The following KCNIP4 variants were observed in gnomAD, a reference collection of about 807,000 sequenced individuals.
KCNIP4 encodes Kv channel-interacting protein 4.
In KCNIP4, 12 loss-of-function variants were observed where a neutral mutation model predicts 34.0. The ratio of observed to expected loss-of-function variants is 0.35; its 90% CI spans 0.23 to 0.57. The LOEUF (loss-of-function observed/expected upper bound fraction) is 0.57, where lower values mean the gene tolerates loss of function less well. KCNIP4 is among the 20% of genes least tolerant of loss of function. KCNIP4 has a pLI of 0.83. For missense variants in KCNIP4, 238 were observed against 311.7 expected (o/e 0.76, Z 1.78); for synonymous variants, 124 against 102.2 (o/e 1.21, Z -1.29).
intron 1 of KCNIP4, among the ~76,000 whole-genome samples, chr4:21,762,226 A>T (rs1718106885): frequency 6.6e-6 from 1 of 152,170 alleles, no homozygotes; most frequent in South Asian, 2.1e-4. Flanking sequence ...AACTCAATAT[A>T]TTCAAAATAT....
chr4:21,064,637 T>C, intron 1 of KCNIP4, among the ~76,000 whole-genome samples: 1 of 152,066 alleles, frequency 6.6e-6, no homozygotes, highest in East Asian at 1.9e-4. Flanking sequence ...GGAAAGAACT[T>C]ATATAGAAGG....
At chr4:20,917,565 A>G (rs1728972679) in intron 1 of KCNIP4, among the ~76,000 whole-genome samples, 1 of 152,320 alleles carries the variant, frequency 6.6e-6, no homozygotes, top group East Asian at 1.9e-4. Context: ...CTCAAATGAG[A>G]CAATGTCCTG....
chr4:21,167,324 A>G (rs914300488), intron 1 of KCNIP4, among the ~76,000 whole-genome samples: 5 of 152,194 alleles, frequency 3.3e-5, no homozygotes, highest in African/African-American at 1.2e-4. Context: ...AGATACTTTA[A>G]ATATGTACAA....
intron 1 of KCNIP4, among the ~76,000 whole-genome samples, chr4:21,234,141 TATATATAAC>T (rs1194834570): frequency 9.3e-6 from 1 of 107,002 alleles, no homozygotes. Context: ...TAACGTATAT[TATATATAAC>T]ATATATAACG....
At chr4:21,908,988 T>C (rs967662881) in intron 1 of KCNIP4, among the ~76,000 whole-genome samples, 1 of 152,146 alleles carries the variant, frequency 6.6e-6, no homozygotes, top group African/African-American at 2.4e-5. Context: ...AACTCTAGTT[T>C]ATGTGTCATT....
chr4:21,133,745 C>A (rs1751281635), intron 1 of KCNIP4, among the ~76,000 whole-genome samples: 1 of 152,138 alleles, frequency 6.6e-6, no homozygotes, highest in South Asian at 2.1e-4. Flanking sequence ...GTTATGTGAT[C>A]TCAGTGAAAC....
chr4:21,858,053 C>T (rs1490426306), intron 1 of KCNIP4, among the ~76,000 whole-genome samples: 1 of 152,230 alleles, frequency 6.6e-6, no homozygotes, highest in Non-Finnish European at 1.5e-5. Flanking sequence ...CACCCCACCG[C>T]AGCCAGCATG....
intron 1 of KCNIP4, among the ~76,000 whole-genome samples, chr4:21,445,246 A>G (rs1727873665): frequency 6.6e-6 from 1 of 152,200 alleles, no homozygotes; most frequent in Admixed American, 6.5e-5. Flanking sequence ...GCTACCAATG[A>G]CTTTCTCACA....
At chr4:20,766,082 A>G (rs1755379942) in intron 3 of KCNIP4, among the ~76,000 whole-genome samples, 1 of 152,196 alleles carries the variant, frequency 6.6e-6, no homozygotes, top group Non-Finnish European at 1.5e-5. Context: ...GCTAATACAC[A>G]TGAGCACTTT....
At chr4:21,445,070 A>C (rs1477417436) in intron 1 of KCNIP4, among the ~76,000 whole-genome samples, 2 of 152,220 alleles carry the variant, frequency 1.3e-5, no homozygotes, top group African/African-American at 4.8e-5. Flanking sequence ...CTTACAAGGG[A>C]TGTGAAGGAC....
At chr4:20,891,528 C>T (rs1359693129) in intron 1 of KCNIP4, among the ~76,000 whole-genome samples, 2 of 152,118 alleles carry the variant, frequency 1.3e-5, no homozygotes, top group Non-Finnish European at 2.9e-5. Flanking sequence ...TCACTTGAAC[C>T]CGGGAGGCAG....
intron 1 of KCNIP4, among the ~76,000 whole-genome samples, chr4:21,008,056 A>G (rs1206048340): frequency 2.6e-5 from 4 of 152,230 alleles, no homozygotes; most frequent in African/African-American, 9.6e-5. Context: ...AGCATACAAT[A>G]TACAGTAGCT....
In KCNIP4 at chr4:21,405,134, T is replaced by A. The variant is rs1453182083; in HGVS notation, c.62-522425A>T. Among the ~76,000 whole-genome samples, 5 of 152,110 alleles carry A rather than the reference T, an allele frequency of 3.3e-5. No homozygotes were observed. The East Asian group carries it at 9.6e-4, about 29-fold the overall frequency. ...TGGCCTGCCTTCAGCAAGACACTTG[T>A]TAGGTTGGTTTGGCCAGAATCCCGT... is the stretch of plus-strand genomic sequence containing the variant. On this transcript the variant is annotated intron_variant, in intron 1 of 8. Coordinates refer to ENST00000382152, the MANE Select transcript of KCNIP4 (RefSeq NM_025221.6).
intron 1 of KCNIP4, among the ~76,000 whole-genome samples, chr4:21,494,735 TACAC>T (rs1256741590): frequency 7.0e-6 from 1 of 142,094 alleles, no homozygotes; most frequent in Non-Finnish European, 1.5e-5. Context: ...ATCGCGCCAC[TACAC>T]ATACTCCAGC....
At chr4:21,759,682 T>C (rs1342107838) in intron 1 of KCNIP4, among the ~76,000 whole-genome samples, 1 of 152,136 alleles carries the variant, frequency 6.6e-6, no homozygotes, top group African/African-American at 2.4e-5. Flanking sequence ...AATTCCGACC[T>C]GACTTCAGGG....
intron 1 of KCNIP4, chr4:21,656,887 G>A (rs1169588145): frequency 6.6e-6 from 1 of 152,112 alleles, no homozygotes; most frequent in East Asian, 1.9e-4. Context: ...GGCTCAGGTT[G>A]GAAAGGAACC....
chr4:21,522,524 C>A (rs1029059794), intron 1 of KCNIP4, among the ~76,000 whole-genome samples: 2 of 151,972 alleles, frequency 1.3e-5, no homozygotes, highest in Non-Finnish European at 2.9e-5. Context: ...CCACACACAG[C>A]TTACAGTATA....
chr4:21,593,337 G>A lies in KCNIP4; in HGVS notation c.61+355234C>T, dbSNP rs567859803. Among the ~76,000 whole-genome samples, 13 of 152,078 alleles carry A rather than the reference G, an allele frequency of 8.5e-5. No homozygotes were observed. The South Asian group carries it at 1.0e-3, about 12-fold the overall frequency. On this transcript the variant is annotated intron_variant, in intron 1 of 8. Coordinates refer to ENST00000382152, the MANE Select transcript of KCNIP4 (RefSeq NM_025221.6). Reference sequence around the variant, plus strand: ...ATTGCAGGAATTAAAAATGTGATCCGTTTATTATCTCTGAAAGAGCAAAGA... The same window carrying A: ...ATTGCAGGAATTAAAAATGTGATCCATTTATTATCTCTGAAAGAGCAAAGA...
intron 1 of KCNIP4, among the ~76,000 whole-genome samples, chr4:21,932,529 T>C (rs74546614): frequency 0.01 from 1,568 of 152,252 alleles, 17 homozygotes; most frequent in Non-Finnish European, 0.015. Context: ...TGGTTTGTTT[T>C]AGGCTTTAAA....
Sources: gnomAD v4.1 joint callset for allele counts (sites outside exome capture counted in the v4.1 genomes callset) on GRCh38, gnomAD v4.1.1 for gene constraint, MANE v1.5 for transcripts, NCBI Gene and HGNC (gene_info 2026-07-23, HGNC 2026-07-21) for gene names.